Variants in NEK10 observed in about 807,000 individuals in gnomAD.
The protein encoded by NEK10 is serine/threonine-protein kinase Nek10.
In NEK10, 122 loss-of-function variants were observed where a neutral mutation model predicts 159.8. The ratio of observed to expected loss-of-function variants is 0.76; its 90% CI spans 0.66 to 0.89. The LOEUF is 0.89. Among genes scored for constraint, NEK10 ranks in the 40% least tolerant of loss-of-function variants. The pLI is 0.00. For missense variants in NEK10, 1,342 were observed against 1,323.1 expected, an observed-to-expected ratio of 1.01 and a Z score of -0.22; for synonymous variants, 466 against 457.1, an observed-to-expected ratio of 1.02 and a Z score of -0.25.
At chr3:27,219,369 T>C (rs1299595011) in intron 23 of NEK10, among the ~76,000 whole-genome samples, 2 of 152,232 alleles carry the variant, frequency 1.3e-5, no homozygotes, top group Non-Finnish European at 2.9e-5. Flanking sequence ...AATTATCAGA[T>C]GAATTTAGGA....
At chr3:27,279,072 C>T (rs551661199) in intron 22 of NEK10, 1 of 240,298 alleles carries the variant, frequency 4.2e-6, no homozygotes, top group East Asian at 1.8e-4. Flanking sequence ...CCAAGCATAG[C>T]AGAATATGTG....
At chr3:27,159,444 A>G (rs1271414773) in intron 30 of NEK10, among the ~76,000 whole-genome samples, 3 of 152,200 alleles carry the variant, frequency 2.0e-5, no homozygotes, top group South Asian at 4.1e-4. Context: ...GGAAAATTAT[A>G]GTACATATAG....
intron 16 of NEK10, among the ~76,000 whole-genome samples, chr3:27,293,197 C>T (rs181852366): frequency 1.6e-3 from 245 of 151,522 alleles, no homozygotes; most frequent in African/African-American, 5.5e-3. Flanking sequence ...GATTAAATTC[C>T]CTTTGATTAA....
chr3:27,305,230 G>A (rs572458232), intron 11 of NEK10, among the ~76,000 whole-genome samples: 3 of 152,240 alleles, frequency 2.0e-5, no homozygotes, highest in East Asian at 3.9e-4. Flanking sequence ...AAATAAATTC[G>A]CATCCCTATG....
intron 22 of NEK10, among the ~76,000 whole-genome samples, chr3:27,276,323 T>C (rs755707161): frequency 9.9e-5 from 15 of 152,022 alleles, no homozygotes; most frequent in Non-Finnish European, 2.2e-4. Flanking sequence ...TCCCAGAAAC[T>C]GGACATATCA....
At chr3:27,319,328 G>A (rs1219795543) in intron 6 of NEK10, among the ~76,000 whole-genome samples, 1 of 152,122 alleles carries the variant, frequency 6.6e-6, no homozygotes, top group Non-Finnish European at 1.5e-5. Flanking sequence ...CTTCAAAATG[G>A]CTTCTCTGTC....
At chr3:27,166,851 T>G (rs904533797) in intron 29 of NEK10, among the ~76,000 whole-genome samples, 4 of 151,786 alleles carry the variant, frequency 2.6e-5, no homozygotes, top group African/African-American at 7.3e-5. Flanking sequence ...TCCCAGCTAC[T>G]AGGGAGGCTG....
chr3:27,146,160 A>G (rs939786300), intron 30 of NEK10, among the ~76,000 whole-genome samples: 36 of 152,238 alleles, frequency 2.4e-4, no homozygotes, highest in Non-Finnish European at 2.6e-4. Context: ...GCTGTGCACT[A>G]CATTCTGCTT....
intron 28 of NEK10, among the ~76,000 whole-genome samples, chr3:27,173,411 T>C (rs1049630161): frequency 6.6e-6 from 1 of 152,242 alleles, no homozygotes; most frequent in African/African-American, 2.4e-5. Context: ...CATGTTTATA[T>C]GCATAAATAT....
intron 22 of NEK10, among the ~76,000 whole-genome samples, chr3:27,276,147 A>C (rs555811697): frequency 6.6e-6 from 1 of 152,128 alleles, no homozygotes; most frequent in Admixed American, 6.5e-5. Flanking sequence ...TCATTAATTC[A>C]TTCATTCTTC....
intron 26 of NEK10, among the ~76,000 whole-genome samples, chr3:27,186,125 C>T (rs922859217): frequency 1.2e-4 from 18 of 152,154 alleles, no homozygotes; most frequent in Non-Finnish European, 2.5e-4. Flanking sequence ...GGTGAATGTT[C>T]GGTTCAAAAT....
chr3:27,216,636 A>G (rs1363702166), intron 23 of NEK10, among the ~76,000 whole-genome samples: 1 of 152,252 alleles, frequency 6.6e-6, no homozygotes, highest in South Asian at 2.1e-4. Flanking sequence ...AGCCATTTAA[A>G]GAGAACACAT....
In NEK10 at chr3:27,192,236, G is replaced by A; in HGVS notation, c.2298C>T (p.Leu766=). 1.2e-6 allele frequency: 2 copies of A among 1,612,822 alleles called. No homozygotes were observed. Among genetic ancestry groups the A allele is most frequent in the Non-Finnish European group, 1.7e-6 (2 of 1,178,826 alleles). Residue 766 remains leucine (L), a synonymous_variant, in exon 26 of 36, where the codon CTC becomes CTT. Coordinates refer to ENST00000691995, the MANE Select transcript of NEK10 (RefSeq NM_001394966.1). ...CTGGACGAGCTTCCGCATCAGGAGT[G>A]AGGCACCTAAGATAACATGAGATAA... ...EKVTDTISRC[L]TPDAEARPDI...
At chr3:27,142,964 C>T (rs1943930173) in intron 30 of NEK10, among the ~76,000 whole-genome samples, 1 of 152,124 alleles carries the variant, frequency 6.6e-6, no homozygotes, top group African/African-American at 2.4e-5. Context: ...ACAATGTTTA[C>T]TCCTTTTAAT....
intron 15 of NEK10, 82 bp downstream of exon 15, chr3:27,295,531 T>C: frequency 6.7e-7 from 1 of 1,486,342 alleles, no homozygotes; most frequent in Non-Finnish European, 9.0e-7. Context: ...ACCTAAACAT[T>C]CTAAAAATCA....
chr3:27,364,976 C>A (rs918533905), intron 1 of NEK10, among the ~76,000 whole-genome samples: 8 of 152,188 alleles, frequency 5.3e-5, no homozygotes, highest in Non-Finnish European at 7.3e-5. Flanking sequence ...GAGGTTCATT[C>A]ATTTGCCAAG....
intron 8 of NEK10, 185 bp downstream of exon 8, chr3:27,311,914 C>A: frequency 1.8e-6 from 1 of 553,838 alleles, no homozygotes; most frequent in East Asian, 3.1e-5. Flanking sequence ...AGGTTGTAAT[C>A]TAAACATCTT....
intron 23 of NEK10, among the ~76,000 whole-genome samples, chr3:27,204,219 G>A (rs1230222043): frequency 2.9e-5 from 4 of 140,334 alleles, no homozygotes; most frequent in Admixed American, 2.8e-4. Context: ...CCCACAGCCA[G>A]CACCTGCACT....
chr3:27,125,910 T>G (rs1485207874), intron 32 of NEK10, among the ~76,000 whole-genome samples: 1 of 152,164 alleles, frequency 6.6e-6, no homozygotes, highest in Admixed American at 6.6e-5. Context: ...CCCAGGAACT[T>G]GACTCAACAC....
Sources: allele counts gnomAD v4.1 joint callset (sites outside exome capture counted in the v4.1 genomes callset), GRCh38; gene constraint gnomAD v4.1.1; transcripts MANE v1.5; gene names NCBI Gene and HGNC (gene_info 2026-07-23, HGNC 2026-07-21).